The following LDB2 variants were observed in gnomAD, a reference collection of about 807,000 sequenced individuals.
LDB2 encodes the protein LIM domain binding 2.
In LDB2, 12 loss-of-function variants were observed where a neutral mutation model predicts 44.3. The observed-to-expected ratio is 0.27, with a 90% CI of 0.17 to 0.44. The LOEUF (loss-of-function observed/expected upper bound fraction) is 0.44. Among genes scored for constraint, LDB2 ranks in the 20% least tolerant of loss-of-function variants. The pLI is 1.00. For missense variants in LDB2, 344 were observed against 473.5 expected (o/e 0.73, Z 2.54); for synonymous variants, 164 against 174.8 (o/e 0.94, Z 0.49).
chr4:16,874,250 TA>T (rs1717678133), intron 1 of LDB2, among the ~76,000 whole-genome samples: 1 of 152,046 alleles, frequency 6.6e-6, no homozygotes, highest in Non-Finnish European at 1.5e-5. Context: ...TTTTATATTA[TA>T]TTTAATAAAT....
intron 1 of LDB2, among the ~76,000 whole-genome samples, chr4:16,892,368 T>G (rs185291577): frequency 2.4e-4 from 37 of 152,336 alleles, no homozygotes; most frequent in Admixed American, 2.1e-3. Context: ...TAAGCATTAA[T>G]AGTTGCCTAG....
At chr4:16,686,983 C>T (rs1210347223) in intron 2 of LDB2, among the ~76,000 whole-genome samples, 2 of 152,052 alleles carry the variant, frequency 1.3e-5, no homozygotes, top group Non-Finnish European at 2.9e-5. Flanking sequence ...CTTTCCACCT[C>T]TCCTTTTTCT....
chr4:16,685,217 T>G (rs537314602), intron 2 of LDB2, among the ~76,000 whole-genome samples: 31 of 152,302 alleles, frequency 2.0e-4, no homozygotes, highest in African/African-American at 7.0e-4. Context: ...TGAGCAGAGC[T>G]TGAGTCCCAG....
At chr4:16,804,994 C>T (rs184120398) in intron 1 of LDB2, among the ~76,000 whole-genome samples, 77 of 152,028 alleles carry the variant, frequency 5.1e-4, no homozygotes, top group African/African-American at 1.7e-3. Flanking sequence ...TGTAGACATC[C>T]ACCTTCTCTC....
rs942395780 is a variant in LDB2, at chr4:16,744,677, C to T, written c.235+14481G>A. Among the ~76,000 whole-genome samples, 3 of 152,180 alleles carry T rather than the reference C, an allele frequency of 2.0e-5. 1 individual carries two copies. Among genetic ancestry groups the T allele is most frequent in the East Asian group, 3.9e-4 (2 of 5,152 alleles). ...ATTTTTAATAGAGACGGGGTTTCACCGTGTTAGCCAGGATGGTCTCGATCT... is the reference window on the plus strand; with the variant it reads ...ATTTTTAATAGAGACGGGGTTTCACTGTGTTAGCCAGGATGGTCTCGATCT... On this transcript the variant is annotated intron_variant, in intron 2 of 7. Transcript: ENST00000304523.
chr4:16,503,433 G>T (rs1718092331), intron 7 of LDB2, among the ~76,000 whole-genome samples: 1 of 152,156 alleles, frequency 6.6e-6, no homozygotes, highest in South Asian at 2.1e-4. Context: ...ACTCAGCCAG[G>T]CCCTTTTATG....
At chr4:16,828,878 C>T (rs188622278) in intron 1 of LDB2, among the ~76,000 whole-genome samples, 1 of 152,058 alleles carries the variant, frequency 6.6e-6, no homozygotes, top group African/African-American at 2.4e-5. Context: ...GAGACACCTG[C>T]AACACGGCAC....
intron 1 of LDB2, among the ~76,000 whole-genome samples, chr4:16,816,141 G>A (rs1247335758): frequency 6.6e-6 from 1 of 152,084 alleles, no homozygotes; most frequent in Non-Finnish European, 1.5e-5. Flanking sequence ...CCTGGAAGCG[G>A]AGGTTGCAGT....
chr4:16,573,410 A>T (rs1370358202), intron 5 of LDB2, among the ~76,000 whole-genome samples: 1 of 152,148 alleles, frequency 6.6e-6, no homozygotes, highest in Non-Finnish European at 1.5e-5. Context: ...ATTGGTCTAT[A>T]TCCCAGTCAA....
chr4:16,843,158 T>A (rs1279129568), intron 1 of LDB2, among the ~76,000 whole-genome samples: 1 of 152,196 alleles, frequency 6.6e-6, no homozygotes, highest in Non-Finnish European at 1.5e-5. Flanking sequence ...TACAAACACC[T>A]TGTTCAATGT....
At chr4:16,883,291 C>T (rs1459789006) in intron 1 of LDB2, among the ~76,000 whole-genome samples, 1 of 152,206 alleles carries the variant, frequency 6.6e-6, no homozygotes, top group African/African-American at 2.4e-5. Context: ...GGATCGTAGA[C>T]TGCGGCTGAA....
intron 2 of LDB2, among the ~76,000 whole-genome samples, chr4:16,608,745 T>C (rs1044688477): frequency 2.6e-5 from 4 of 152,144 alleles, no homozygotes; most frequent in African/African-American, 9.7e-5. Context: ...TTCCTAAAGA[T>C]GAATGACATC....
intron 1 of LDB2, among the ~76,000 whole-genome samples, chr4:16,798,999 C>T (rs555778558): frequency 8.5e-5 from 13 of 152,076 alleles, no homozygotes; most frequent in Non-Finnish European, 1.8e-4. Context: ...TACAGGCGCC[C>T]GCCACCACAC....
intron 5 of LDB2, among the ~76,000 whole-genome samples, chr4:16,572,795 A>G: frequency 6.6e-6 from 1 of 152,110 alleles, no homozygotes; most frequent in Admixed American, 6.5e-5. Context: ...GGGTGTTCCA[A>G]GTTTTAATCA....
At chr4:16,856,368 A>T (rs773411718) in intron 1 of LDB2, among the ~76,000 whole-genome samples, 7 of 152,196 alleles carry the variant, frequency 4.6e-5, no homozygotes, top group Non-Finnish European at 7.4e-5. Context: ...TAGCAAGAGT[A>T]GACAGAAGTG....
chr4:16,830,413 C>G (rs781585179), intron 1 of LDB2, among the ~76,000 whole-genome samples: 12 of 152,310 alleles, frequency 7.9e-5, no homozygotes, highest in Non-Finnish European at 1.3e-4. Context: ...TGTAAGTCCC[C>G]CAAGGCCTCC....
At position 16,556,564 on chromosome 4, in the gene LDB2, A is replaced by G. The variant is rs189888899; in HGVS notation, c.615+29358T>C. Among the ~76,000 whole-genome samples, 192 of 152,324 alleles carry G rather than the reference A, an allele frequency of 1.3e-3. 1 individual carries two copies. Among genetic ancestry groups the G allele is most frequent in the Non-Finnish European group, 1.6e-3 (111 of 68,028 alleles). ...TCTCCATCTTAAAACCACAAACAAT[A>G]AAGACTGTTTATTCACATAGTCATT... On this transcript the variant is annotated intron_variant, in intron 5 of 7. Coordinates refer to ENST00000304523, the MANE Select transcript of LDB2 (RefSeq NM_001290.5).
chr4:16,506,052 C>A, intron 7 of LDB2: 1 of 1,495,840 alleles, frequency 6.7e-7, no homozygotes, highest in Non-Finnish European at 9.0e-7. Flanking sequence ...ACATCGCTGC[C>A]GCAGCAGCTA....
intron 2 of LDB2, among the ~76,000 whole-genome samples, chr4:16,598,949 C>T (rs1420361109): frequency 1.3e-5 from 2 of 151,002 alleles, no homozygotes; most frequent in Non-Finnish European, 1.5e-5. Flanking sequence ...TAGAGAAATC[C>T]TGACCACTGC....
Sources: gnomAD v4.1 joint callset for allele counts (sites outside exome capture counted in the v4.1 genomes callset) on GRCh38, gnomAD v4.1.1 for gene constraint, MANE v1.5 for transcripts, NCBI Gene and HGNC (gene_info 2026-07-23, HGNC 2026-07-21) for gene names.